NCKAP5: variants seen among roughly 807,000 people sequenced by gnomAD.
NCKAP5 encodes the protein nck-associated protein 5.
Under a neutral mutation model 167.0 loss-of-function variants are expected in NCKAP5, and 92 were observed. That is an observed-to-expected ratio of 0.55 (90% CI 0.47 to 0.66). The LOEUF (loss-of-function observed/expected upper bound fraction) is 0.66, where lower values mean the gene tolerates loss of function less well. NCKAP5 is among the 30% of genes least tolerant of loss of function. The pLI is 0.00. For missense variants in NCKAP5, 2,378 were observed against 2,315.0 expected (o/e 1.03, Z -0.56); for synonymous variants, 891 against 877.4 (o/e 1.02, Z -0.27).
chr2:132,992,738 T>C (rs966747901), intron 7 of NCKAP5, among the ~76,000 whole-genome samples: 2 of 152,180 alleles, frequency 1.3e-5, no homozygotes, highest in African/African-American at 4.8e-5. Flanking sequence ...GCATTCCCTT[T>C]GTCAAGACCA....
chr2:132,798,290 T>C (rs955910117), intron 11 of NCKAP5, among the ~76,000 whole-genome samples: 1 of 152,128 alleles, frequency 6.6e-6, no homozygotes, highest in African/African-American at 2.4e-5. Context: ...ACAAAATACA[T>C]CATACTTAGT....
intron 6 of NCKAP5, among the ~76,000 whole-genome samples, chr2:133,064,890 T>C (rs2080135523): frequency 6.6e-6 from 1 of 152,216 alleles, no homozygotes; most frequent in African/African-American, 2.4e-5. Context: ...TTTATTAAAG[T>C]GAATGGACTA....
intron 2 of NCKAP5, chr2:133,554,208 T>C (rs1035252781): frequency 2.0e-5 from 3 of 152,202 alleles, no homozygotes; most frequent in African/African-American, 7.2e-5. Flanking sequence ...CTGTTTTTAT[T>C]CACTCAAAGT....
chr2:133,232,044 C>T (rs1483321668), intron 4 of NCKAP5, among the ~76,000 whole-genome samples: 1 of 152,184 alleles, frequency 6.6e-6, no homozygotes, highest in Admixed American at 6.5e-5. Context: ...ATGTCATTCT[C>T]GATCACAAAA....
chr2:133,627,212 G>GA, the NCKAP5 span, among the ~76,000 whole-genome samples: 1 of 151,068 alleles, frequency 6.6e-6, no homozygotes, highest in Non-Finnish European at 1.5e-5. Flanking sequence ...AAATCAATAA[G>GA]AAAAAAAATA....
At chr2:133,452,709 T>C (rs545194680) in intron 3 of NCKAP5, among the ~76,000 whole-genome samples, 2 of 152,238 alleles carry the variant, frequency 1.3e-5, no homozygotes, top group South Asian at 2.1e-4. Context: ...CAGAACAAGA[T>C]TGACGCATCA....
chr2:133,015,295 G>A (rs2078291890), intron 6 of NCKAP5, among the ~76,000 whole-genome samples: 1 of 152,048 alleles, frequency 6.6e-6, no homozygotes, highest in African/African-American at 2.4e-5. Context: ...ATCGGTGAAA[G>A]AATTTGAAAT....
intron 3 of NCKAP5, among the ~76,000 whole-genome samples, chr2:133,498,485 AGGC>A (rs1559529071): frequency 4.2e-4 from 52 of 122,378 alleles, no homozygotes; most frequent in African/African-American, 8.1e-4. Context: ...GAAGGAAGGC[AGGC>A]AGGCAGGCAG....
the NCKAP5 span, among the ~76,000 whole-genome samples, chr2:133,591,471 G>A: frequency 6.6e-6 from 1 of 152,198 alleles, no homozygotes; most frequent in Non-Finnish European, 1.5e-5. Flanking sequence ...CAGGAAGGAG[G>A]GGGAGAGGAC....
chr2:133,409,634 G>A (rs1688655508), intron 3 of NCKAP5, among the ~76,000 whole-genome samples: 1 of 152,158 alleles, frequency 6.6e-6, no homozygotes, highest in Admixed American at 6.5e-5. Flanking sequence ...CAAGGTTAGG[G>A]TTCGTCATGG....
chr2:133,189,553 A>G (rs1460543169), intron 5 of NCKAP5, among the ~76,000 whole-genome samples: 1 of 152,146 alleles, frequency 6.6e-6, no homozygotes, highest in Non-Finnish European at 1.5e-5. Context: ...CTGGCAAACC[A>G]AATCCATCAG....
chr2:133,274,419 T>C (rs1024810876), intron 4 of NCKAP5, among the ~76,000 whole-genome samples: 3 of 152,008 alleles, frequency 2.0e-5, no homozygotes, highest in Admixed American at 1.3e-4. Context: ...AAGTGATGGA[T>C]TGGAAGACTC....
chr2:133,098,404 C>T (rs1043447280), intron 6 of NCKAP5, among the ~76,000 whole-genome samples: 3 of 152,152 alleles, frequency 2.0e-5, no homozygotes, highest in African/African-American at 7.2e-5. Context: ...ATGACTCCAT[C>T]ATGATTAATG....
chr2:133,426,758 A>G (rs1384578473), intron 3 of NCKAP5, among the ~76,000 whole-genome samples: 4 of 152,202 alleles, frequency 2.6e-5, no homozygotes, highest in Admixed American at 6.5e-5. Context: ...AATTGTGACC[A>G]GTGTACCATA....
chr2:132,921,824 T>A (rs1327194372), intron 8 of NCKAP5, among the ~76,000 whole-genome samples: 1 of 152,206 alleles, frequency 6.6e-6, no homozygotes, highest in East Asian at 1.9e-4. Context: ...CTCCTCCTGC[T>A]TTCCAGGTGG....
chr2:133,456,542 T>A (rs1691874115), intron 3 of NCKAP5, among the ~76,000 whole-genome samples: 1 of 152,156 alleles, frequency 6.6e-6, no homozygotes, highest in African/African-American at 2.4e-5. Context: ...CGCCTTCCTC[T>A]GCAGTTCATG....
At chr2:132,711,896 C>T (rs1364570308) in intron 19 of NCKAP5, among the ~76,000 whole-genome samples, 2 of 152,062 alleles carry the variant, frequency 1.3e-5, no homozygotes, top group Non-Finnish European at 2.9e-5. Flanking sequence ...AGCTCTTTTC[C>T]AACATAAAGG....
chr2:133,312,665 C>G (rs1054455260), intron 3 of NCKAP5, among the ~76,000 whole-genome samples: 14 of 152,314 alleles, frequency 9.2e-5, no homozygotes, highest in African/African-American at 3.1e-4. Flanking sequence ...CTTAGAGCAC[C>G]TATCTACTGA....
chr2:132,712,374 T>G (rs930686269), intron 19 of NCKAP5, among the ~76,000 whole-genome samples: 3 of 152,088 alleles, frequency 2.0e-5, no homozygotes, highest in South Asian at 2.1e-4. Context: ...GATTCAGGCC[T>G]GGCGGGGTGG....
Sources: allele counts gnomAD v4.1 joint callset (sites outside exome capture counted in the v4.1 genomes callset), GRCh38; gene constraint gnomAD v4.1.1; transcripts MANE v1.5; gene names NCBI Gene and HGNC (gene_info 2026-07-23, HGNC 2026-07-21).